The following DNAJC6 variants were observed in gnomAD, a reference collection of about 807,000 sequenced individuals.
The protein encoded by DNAJC6 is auxilin.
DNAJC6 carries 34 observed loss-of-function variants against 110.0 expected under a neutral mutation model. The ratio of observed to expected loss-of-function variants is 0.31; its 90% CI spans 0.24 to 0.41. DNAJC6 has a LOEUF of 0.41. DNAJC6 is among the 10% of genes least tolerant of loss of function. DNAJC6 has a pLI of 1.00. For missense variants in DNAJC6, 1,031 were observed against 1,207.8 expected (o/e 0.85, Z 2.17); for synonymous variants, 406 against 437.2 (o/e 0.93, Z 0.89).
At chr1:65,274,236 T>C (rs1177074556) in intron 1 of DNAJC6, among the ~76,000 whole-genome samples, 1 of 152,164 alleles carries the variant, frequency 6.6e-6, no homozygotes, top group Non-Finnish European at 1.5e-5. Context: ...TTTTTGATAT[T>C]AATGTAGCTA....
At chr1:65,321,905 T>C (rs924605360) in intron 1 of DNAJC6, among the ~76,000 whole-genome samples, 7 of 152,090 alleles carry the variant, frequency 4.6e-5, no homozygotes, top group Admixed American at 2.6e-4. Context: ...ACAGGAAAAG[T>C]TGGGTTTTAA....
At chr1:65,356,246 A>T (rs571529650) in intron 1 of DNAJC6, among the ~76,000 whole-genome samples, 42 of 152,216 alleles carry the variant, frequency 2.8e-4, no homozygotes, top group South Asian at 1.2e-3. Flanking sequence ...CCTTGGAATC[A>T]TGTACTATGA....
rs533555652 is a variant in DNAJC6 at position 65,349,091 on chromosome 1, A to T, written c.194-15544A>T. Among the ~76,000 whole-genome samples the T allele has an allele frequency of 7.4e-5, 10 of 135,850 alleles. No individual in the cohort carries two copies. The South Asian group carries it at 8.9e-4, about 12-fold the overall frequency. The allele number at this position is 135,850 out of a possible 152,430, so 89.1% of individuals were successfully genotyped here. ...ATACATATATAAAAATATATATGTAAATATATATATAAATAAATATGTAAA... is the reference window on the plus strand; with the variant it reads ...ATACATATATAAAAATATATATGTATATATATATATAAATAAATATGTAAA... On this transcript the variant is annotated intron_variant, in intron 1 of 18. Coordinates refer to ENST00000371069, the MANE Select transcript of DNAJC6 (RefSeq NM_001256864.2).
chr1:65,289,905 G>A (rs1644849386), intron 1 of DNAJC6, among the ~76,000 whole-genome samples: 1 of 151,798 alleles, frequency 6.6e-6, no homozygotes, highest in Admixed American at 6.6e-5. Flanking sequence ...CACCTTTCGG[G>A]TTCAAGCAAA....
intron 1 of DNAJC6, chr1:65,279,575 A>G (rs532116372): frequency 6.6e-6 from 1 of 152,338 alleles, no homozygotes; most frequent in Non-Finnish European, 1.5e-5. Context: ...ATATATATAC[A>G]CATACATGCA....
At chr1:65,336,011 T>C (rs907005627) in intron 1 of DNAJC6, among the ~76,000 whole-genome samples, 3 of 152,196 alleles carry the variant, frequency 2.0e-5, no homozygotes, top group African/African-American at 7.2e-5. Flanking sequence ...ATTATACCTC[T>C]TTGTATGTGG....
chr1:65,361,924 A>G (rs749459727), intron 1 of DNAJC6, among the ~76,000 whole-genome samples: 4 of 152,210 alleles, frequency 2.6e-5, no homozygotes, highest in Non-Finnish European at 5.9e-5. Context: ...CTAAAGCTGC[A>G]TTTGGTACCA....
intron 1 of DNAJC6, among the ~76,000 whole-genome samples, chr1:65,316,617 AT>A (rs1482153768): frequency 6.6e-6 from 1 of 152,232 alleles, no homozygotes; most frequent in African/African-American, 2.4e-5. Context: ...TGGATTTTGA[AT>A]TTTTAAAAGG....
intron 1 of DNAJC6, among the ~76,000 whole-genome samples, chr1:65,296,821 C>T (rs1170773256): frequency 6.6e-6 from 1 of 151,944 alleles, no homozygotes; most frequent in African/African-American, 2.4e-5. Context: ...CTCCTGACCT[C>T]GTGATCCACC....
chr1:65,383,463 G>A (rs1645842001), intron 5 of DNAJC6, among the ~76,000 whole-genome samples: 1 of 152,126 alleles, frequency 6.6e-6, no homozygotes, highest in South Asian at 2.1e-4. Flanking sequence ...CAACCAAGGT[G>A]CCTGCACTTG....
rs552309024 is a variant in DNAJC6 at position 65,366,086 on chromosome 1, A to G, written c.433A>G (p.Arg145Gly). 1 of 1,613,916 alleles carries G rather than the reference A, an allele frequency of 6.2e-7. No individual in the cohort carries two copies. The highest frequency in any genetic ancestry group is 1.3e-5 in the African/African-American group (1 of 75,018). Residue 145 changes from arginine to glycine, a missense_variant, in exon 4 of 19, where the codon AGG becomes GGG. Arg to Gly is a moderately radical substitution (Grantham distance 125). Coordinates refer to ENST00000371069, the MANE Select transcript of DNAJC6 (RefSeq NM_001256864.2). ...FPLDNVDIGF[R>G]NQVDDIRSFL... is the part of the protein sequence containing the mutation. ...TCTGGACAATGTTGACATAGGATTC[A>G]GGAATCAGGTTGATGACATTCGAAG...
chr1:65,408,830 C>A, intron 17 of DNAJC6, 47 bp downstream of exon 17: 1 of 1,596,554 alleles, frequency 6.3e-7, no homozygotes, highest in South Asian at 1.1e-5. Context: ...ATGACAAAGT[C>A]ATGTGATAAA....
upstream of DNAJC6, among the ~76,000 whole-genome samples, chr1:65,309,257 C>T (rs1645072840): frequency 7.0e-6 from 1 of 142,232 alleles, no homozygotes; most frequent in Non-Finnish European, 1.5e-5. Context: ...CCTCCCCCGA[C>T]CACCCCGCCC....
intron 16 of DNAJC6, among the ~76,000 whole-genome samples, chr1:65,406,423 T>C (rs144839521): frequency 8.9e-4 from 135 of 152,312 alleles, no homozygotes; most frequent in African/African-American, 3.2e-3. Context: ...TGTGTCTTAG[T>C]TGCCATGGTA....
chr1:65,287,929 ACATCC>A, intron 1 of DNAJC6, among the ~76,000 whole-genome samples: 1 of 152,310 alleles, frequency 6.6e-6, no homozygotes, highest in Non-Finnish European at 1.5e-5. Flanking sequence ...GGGTGCCATT[ACATCC>A]CATGAAGTGC....
chr1:65,310,000 G>T, intron 1 of DNAJC6, 62 bp downstream of exon 1: 1 of 1,376,080 alleles, frequency 7.3e-7, no homozygotes, highest in South Asian at 1.7e-5. Context: ...CCTCCCAGTC[G>T]CCCGGCCCGA....
At chr1:65,327,475 C>A (rs186802261) in intron 1 of DNAJC6, among the ~76,000 whole-genome samples, 66 of 152,256 alleles carry the variant, frequency 4.3e-4, no homozygotes, top group South Asian at 8.3e-4. Context: ...AGGTTGGTGG[C>A]TCATGCTTTT....
chr1:65,328,874 C>T lies in DNAJC6; in HGVS notation c.193+18936C>T, dbSNP rs371829764. On this transcript the variant is annotated intron_variant, in intron 1 of 18. Transcript: ENST00000371069. ...TGAGCTGTCTTCCCAACCTTTGCCC[C>T]GTAACACCTTTGCCTTGGTAATGCA... is the stretch of plus-strand genomic sequence containing the variant. 5.3e-5 allele frequency among the ~76,000 whole-genome samples: 8 copies of T among 152,250 alleles called. No individual in the cohort carries two copies. In the East Asian group the frequency reaches 1.4e-3, roughly 26 times the overall value.
chr1:65,406,425 G>A (rs1420605562), intron 16 of DNAJC6, among the ~76,000 whole-genome samples: 1 of 152,202 alleles, frequency 6.6e-6, no homozygotes, highest in Non-Finnish European at 1.5e-5. Flanking sequence ...TGTCTTAGTT[G>A]CCATGGTATC....
Sources: gnomAD v4.1 joint callset for allele counts (sites outside exome capture counted in the v4.1 genomes callset) on GRCh38, gnomAD v4.1.1 for gene constraint, MANE v1.5 for transcripts, NCBI Gene and HGNC (gene_info 2026-07-23, HGNC 2026-07-21) for gene names.